The following GRIP2 variants were observed in gnomAD, a reference collection of about 807,000 sequenced individuals.
GRIP2 encodes the protein glutamate receptor interacting protein 2.
A neutral mutation model predicts 108.3 loss-of-function variants in GRIP2; 58 were observed. That is an observed-to-expected ratio of 0.54 (90% CI 0.43 to 0.67). The LOEUF (loss-of-function observed/expected upper bound fraction) is 0.67, where lower values mean the gene tolerates loss of function less well. Ranked by LOEUF, GRIP2 falls within the 30% of genes least tolerant of loss-of-function variation. GRIP2 has a pLI of 0.00. For missense variants in GRIP2, 1,278 were observed against 1,430.6 expected, an observed-to-expected ratio of 0.89 and a Z score of 1.72; for synonymous variants, 586 against 598.2, an observed-to-expected ratio of 0.98 and a Z score of 0.30.
upstream of GRIP2, among the ~76,000 whole-genome samples, chr3:14,545,529 C>T (rs1189181675): frequency 2.0e-5 from 3 of 152,228 alleles, no homozygotes; most frequent in Admixed American, 6.5e-5. Flanking sequence ...GGCCTGGCCA[C>T]GGATGGGGCA....
the GRIP2 span, chr3:14,602,379 T>C: frequency 1.3e-5 from 2 of 151,910 alleles, no homozygotes; most frequent in African/African-American, 4.8e-5. The surrounding 1 kb of genome is among the most constrained non-coding windows in gnomAD (Gnocchi z 4.7). Context: ...TCCTCGCAAC[T>C]TTGAGTAACC....
chr3:14,564,625 C>T, the GRIP2 span, among the ~76,000 whole-genome samples: 1 of 152,166 alleles, frequency 6.6e-6, no homozygotes, highest in Non-Finnish European at 1.5e-5. Flanking sequence ...TGCGTGGGAC[C>T]TGACTTAAAA....
At chr3:14,588,177 G>C in the GRIP2 span, among the ~76,000 whole-genome samples, 2 of 152,188 alleles carry the variant, frequency 1.3e-5, no homozygotes, top group African/African-American at 4.8e-5. Flanking sequence ...AGTTCACTGA[G>C]GTCTTAGTCA....
intron 1 of GRIP2, among the ~76,000 whole-genome samples, chr3:14,533,220 A>G (rs1255465178): frequency 2.6e-5 from 4 of 152,236 alleles, no homozygotes; most frequent in Admixed American, 2.6e-4. Flanking sequence ...TAATAAAATC[A>G]AAAAGACTGG....
chr3:14,598,259 G>A, the GRIP2 span, among the ~76,000 whole-genome samples: 2 of 151,814 alleles, frequency 1.3e-5, no homozygotes, highest in South Asian at 2.1e-4. Context: ...CAGGAGTGAG[G>A]AGCCAATCAA....
At chr3:14,510,885 C>T (rs1051137183) in intron 16 of GRIP2, among the ~76,000 whole-genome samples, 9 of 152,214 alleles carry the variant, frequency 5.9e-5, no homozygotes, top group African/African-American at 2.2e-4. Context: ...ACCAGCTGCA[C>T]CCAGTAGGTC....
upstream of GRIP2, among the ~76,000 whole-genome samples, chr3:14,545,076 G>C (rs1422785551): frequency 6.6e-6 from 1 of 152,220 alleles, no homozygotes; most frequent in Non-Finnish European, 1.5e-5. Flanking sequence ...GGCCAAGGAG[G>C]CTCCGACAGC....
intron 21 of GRIP2, among the ~76,000 whole-genome samples, chr3:14,499,746 G>A (rs554422619): frequency 3.3e-5 from 5 of 151,240 alleles, no homozygotes; most frequent in Non-Finnish European, 7.4e-5. Flanking sequence ...ACTCCATCTC[G>A]AAAAAAAGAA....
At chr3:14,500,581 C>G (rs1275899621) in intron 21 of GRIP2, among the ~76,000 whole-genome samples, 1 of 152,092 alleles carries the variant, frequency 6.6e-6, no homozygotes, top group Non-Finnish European at 1.5e-5. Context: ...ATCTTCAAAG[C>G]CCTGAGTAAA....
At chr3:14,601,538 G>A in the GRIP2 span, among the ~76,000 whole-genome samples, 5 of 152,206 alleles carry the variant, frequency 3.3e-5, no homozygotes, top group African/African-American at 1.2e-4. Context: ...GTCAGGCGAG[G>A]AGTGGAGGGT....
At chr3:14,514,215 G>A (rs1415788356) in intron 12 of GRIP2, 77 bp downstream of exon 12, 2 of 1,306,474 alleles carry the variant, frequency 1.5e-6, no homozygotes, top group Admixed American at 2.4e-5. Context: ...ATGCGCTTGT[G>A]AAGCTAGGGC....
the GRIP2 span, among the ~76,000 whole-genome samples, chr3:14,571,659 G>A: frequency 6.6e-6 from 1 of 152,180 alleles, no homozygotes; most frequent in Admixed American, 6.5e-5. Flanking sequence ...CCTGGCAGGG[G>A]AGCTGGAGGA....
At position 14,537,878 on chromosome 3, in the gene GRIP2, C is replaced by T. The variant is rs370509896; in HGVS notation, c.40+2391G>A. ...TGGAACAAAGATGTCTTTGTGGCTG[C>T]GGAGTCAGAGCAGGCCTCCCGTCCT... On this transcript the variant is annotated intron_variant, in intron 1 of 23. Transcript: ENST00000621039. Among the ~76,000 whole-genome samples, 35 of 152,328 alleles carry T rather than the reference C, an allele frequency of 2.3e-4. No homozygotes were observed. The East Asian group carries it at 2.7e-3, about 12-fold the overall frequency.
chr3:14,578,772 AGG>A, the GRIP2 span, among the ~76,000 whole-genome samples: 2 of 150,702 alleles, frequency 1.3e-5, no homozygotes, highest in Non-Finnish European at 2.9e-5. Flanking sequence ...CTTATTTGTC[AGG>A]TGAGTCAGCA....
At chr3:14,568,692 T>G in the GRIP2 span, among the ~76,000 whole-genome samples, 2 of 152,138 alleles carry the variant, frequency 1.3e-5, no homozygotes, top group African/African-American at 2.4e-5. Context: ...GAAGTATACC[T>G]GTGTGGCAGG....
chr3:14,589,300 C>G, the GRIP2 span, among the ~76,000 whole-genome samples: 1 of 152,138 alleles, frequency 6.6e-6, no homozygotes, highest in South Asian at 2.1e-4. Context: ...TAGTACACAA[C>G]TATTTGTCTA....
At position 14,512,003 on chromosome 3, in the gene GRIP2, G is replaced by A. The variant is rs991530179; in HGVS notation, c.1721-524C>T. Among the ~76,000 whole-genome samples the A allele has an allele frequency of 1.3e-5, 2 of 152,220 alleles. No homozygotes were observed. Among genetic ancestry groups the A allele is most frequent in the Non-Finnish European group, 2.9e-5 (2 of 68,046 alleles). Reference sequence around the variant, plus strand: ...CATTTAAACACCGATGAAGTGAGCTGTGGAGAAACCTGAGAAACGGGCTTG... The same window carrying A: ...CATTTAAACACCGATGAAGTGAGCTATGGAGAAACCTGAGAAACGGGCTTG... On this transcript the variant is annotated intron_variant, in intron 14 of 23. Coordinates refer to ENST00000621039, the MANE Select transcript of GRIP2 (RefSeq NM_001080423.4). The surrounding 1 kb of genome is among the most constrained non-coding windows in gnomAD (Gnocchi z 5.1).
In GRIP2 at chr3:14,496,961, C is replaced by CTTT. The variant is rs56751492; in HGVS notation, c.2680-404_2680-402dup. Among the ~76,000 whole-genome samples, 1,245 of 136,418 alleles carry CTTT rather than the reference C, an allele frequency of 9.1e-3. 11 individuals carry two copies. Among genetic ancestry groups the CTTT allele is most frequent in the Middle Eastern group, 0.015 (4 of 260 alleles). 89.5% of individuals were successfully genotyped at this position (136,418 alleles called of 152,430 possible). ...AGAGTCTAGTTCCAAAGTCAAGACT[C>CTTT]TTTTTTTTTTTTTTTTTGAGACAAA... On this transcript the variant is annotated intron_variant, in intron 21 of 23. Transcript: ENST00000621039.
At position 14,521,047 on chromosome 3, in the gene GRIP2, G is replaced by A; in HGVS notation, c.713-510C>T. 5.7e-6 allele frequency: 1 copy of A among 176,934 alleles called. No individual in the cohort carries two copies. The allele number at this position is 176,934 out of a possible 1,614,324, so 11.0% of individuals were successfully genotyped here. A position where few individuals can be genotyped will look rare whatever the true frequency, so the allele number is the denominator to read the frequency against. Reference sequence around the variant, plus strand: ...TCTCCCCTCCTTAGCCACCAGCCTGGTTCAGTCCCTTAGCTCTCGCTTGGA... The same window carrying A: ...TCTCCCCTCCTTAGCCACCAGCCTGATTCAGTCCCTTAGCTCTCGCTTGGA... On this transcript the variant is annotated intron_variant, in intron 7 of 23. Coordinates refer to ENST00000621039, the MANE Select transcript of GRIP2 (RefSeq NM_001080423.4). This position sits in a 1 kb window ranked among gnomAD's most constrained non-coding sequence, Gnocchi z 5.1.
Sources: allele counts gnomAD v4.1 joint callset (sites outside exome capture counted in the v4.1 genomes callset), GRCh38; gene constraint gnomAD v4.1.1; non-coding constraint Gnocchi (gnomAD v3.1); transcripts MANE v1.5; gene names NCBI Gene and HGNC (gene_info 2026-07-23, HGNC 2026-07-21).